Variants in GRIK4 observed in about 807,000 individuals in gnomAD.
GRIK4 encodes the protein glutamate ionotropic receptor kainate type subunit 4, also known as glutamate receptor ionotropic, kainate 4.
Under a neutral mutation model 104.9 loss-of-function variants are expected in GRIK4, and 40 were observed. That is an observed-to-expected ratio of 0.38 (90% CI 0.30 to 0.50). The LOEUF (loss-of-function observed/expected upper bound fraction) is 0.50. GRIK4 is among the 20% of genes least tolerant of loss of function. GRIK4 has a pLI of 0.93. For synonymous variants in GRIK4, 485 were observed against 524.9 expected (o/e 0.92, Z 1.04); for missense variants, 1,047 against 1,308.1 (o/e 0.80, Z 3.08).
intron 3 of GRIK4, among the ~76,000 whole-genome samples, chr11:120,703,845 A>C (rs1218475578): frequency 6.6e-6 from 1 of 152,130 alleles, no homozygotes; most frequent in Non-Finnish European, 1.5e-5. Flanking sequence ...TTTCCTATAC[A>C]TGGTAGGTAC....
intron 3 of GRIK4, among the ~76,000 whole-genome samples, chr11:120,674,813 A>G (rs1950073680): frequency 6.6e-6 from 1 of 152,232 alleles, no homozygotes. Flanking sequence ...TCTGTTATGG[A>G]GCTGCTCCAA....
At chr11:120,910,987 T>C (rs1256587614) in intron 13 of GRIK4, among the ~76,000 whole-genome samples, 1 of 151,944 alleles carries the variant, frequency 6.6e-6, no homozygotes. Flanking sequence ...GCCATGAAGG[T>C]GCAGGGGTAG....
At chr11:120,678,110 C>A (rs1297676074) in intron 3 of GRIK4, among the ~76,000 whole-genome samples, 1 of 152,188 alleles carries the variant, frequency 6.6e-6, no homozygotes, top group African/African-American at 2.4e-5. Context: ...GACCCCGAGG[C>A]CTCTGGGCAG....
At chr11:120,825,793 G>A (rs1301152017) in intron 6 of GRIK4, among the ~76,000 whole-genome samples, 3 of 152,230 alleles carry the variant, frequency 2.0e-5, no homozygotes, top group Admixed American at 6.5e-5. Flanking sequence ...AATTGGATGG[G>A]AAAGTAACTG....
At position 120,725,351 on chromosome 11, in the gene GRIK4, C is replaced by A. The variant is rs11828397; in HGVS notation, c.82+64951C>A. On this transcript the variant is annotated intron_variant, in intron 3 of 20. Coordinates refer to ENST00000527524, the MANE Select transcript of GRIK4 (RefSeq NM_014619.5). ...GGGCTTAGTTCTGTTACCAAAACAC[C>A]AGGGCTTTAGTCTAGGTCCTGTTGT... Among the ~76,000 whole-genome samples, 876 of 152,222 alleles carry A rather than the reference C, an allele frequency of 5.8e-3. 13 individuals are homozygous for A. Among genetic ancestry groups the A allele is most frequent in the African/African-American group, 0.02 (824 of 41,532 alleles).
At chr11:120,609,357 A>C (rs943970787) in intron 1 of GRIK4, among the ~76,000 whole-genome samples, 1 of 150,246 alleles carries the variant, frequency 6.7e-6, no homozygotes, top group Non-Finnish European at 1.5e-5. Flanking sequence ...GGCTCCTCTG[A>C]TCTTCCTGCC....
At chr11:120,566,421 A>C (rs1948323829) in intron 1 of GRIK4, among the ~76,000 whole-genome samples, 1 of 152,192 alleles carries the variant, frequency 6.6e-6, no homozygotes, top group African/African-American at 2.4e-5. Flanking sequence ...TGCTGGTGTT[A>C]AAATAGACTA....
chr11:120,774,754 T>TA (rs1952008841), intron 3 of GRIK4, among the ~76,000 whole-genome samples: 1 of 152,106 alleles, frequency 6.6e-6, no homozygotes, highest in South Asian at 2.1e-4. Context: ...AGGGGAAAGA[T>TA]ATCAGGGTGG....
At chr11:120,581,384 T>G (rs1948578586) in intron 1 of GRIK4, among the ~76,000 whole-genome samples, 1 of 152,226 alleles carries the variant, frequency 6.6e-6, no homozygotes, top group African/African-American at 2.4e-5. Flanking sequence ...ATGGTCCAGA[T>G]TTTGTAGTTT....
intron 13 of GRIK4, among the ~76,000 whole-genome samples, chr11:120,917,801 A>G (rs1943143966): frequency 6.6e-6 from 1 of 152,158 alleles, no homozygotes; most frequent in Non-Finnish European, 1.5e-5. Context: ...GGGCATCTCA[A>G]AGCAGCCTGG....
At chr11:120,786,691 C>T (rs1247685956) in intron 3 of GRIK4, among the ~76,000 whole-genome samples, 5 of 152,310 alleles carry the variant, frequency 3.3e-5, no homozygotes, top group African/African-American at 1.2e-4. Context: ...ATTCCAAGCC[C>T]TCCCCTGAAG....
At chr11:120,699,887 A>G (rs1950522207) in intron 3 of GRIK4, among the ~76,000 whole-genome samples, 1 of 152,226 alleles carries the variant, frequency 6.6e-6, no homozygotes, top group Non-Finnish European at 1.5e-5. Flanking sequence ...CAAGGGCCGC[A>G]GCAGCAGGAG....
chr11:120,968,764 T>C (rs1236654474), intron 19 of GRIK4, among the ~76,000 whole-genome samples: 3 of 152,220 alleles, frequency 2.0e-5, no homozygotes, highest in Non-Finnish European at 2.9e-5. Context: ...GTCTCGTCTC[T>C]ACCAGTTGTG....
At chr11:120,635,598 A>G (rs1041327065) in intron 1 of GRIK4, among the ~76,000 whole-genome samples, 25 of 152,230 alleles carry the variant, frequency 1.6e-4, no homozygotes, top group African/African-American at 6.0e-4. Context: ...TGGACAATTT[A>G]GTACCAATTA....
intron 1 of GRIK4, among the ~76,000 whole-genome samples, chr11:120,547,642 G>T (rs143499273): frequency 6.6e-6 from 1 of 151,790 alleles, no homozygotes; most frequent in East Asian, 1.9e-4. Flanking sequence ...CCATGGAAAC[G>T]TCTGACATGG....
intron 3 of GRIK4, among the ~76,000 whole-genome samples, chr11:120,785,877 C>T (rs1952259530): frequency 6.6e-6 from 1 of 152,218 alleles, no homozygotes; most frequent in African/African-American, 2.4e-5. Context: ...CCTTTTGGCA[C>T]ACACAGAGCC....
intron 3 of GRIK4, among the ~76,000 whole-genome samples, chr11:120,746,215 C>T (rs897090374): frequency 6.6e-6 from 1 of 152,152 alleles, no homozygotes; most frequent in African/African-American, 2.4e-5. Context: ...CCCTCTCCAC[C>T]ACAGTGCTCA....
intron 3 of GRIK4, among the ~76,000 whole-genome samples, chr11:120,678,306 A>C (rs1166910330): frequency 6.6e-6 from 1 of 152,220 alleles, no homozygotes; most frequent in Non-Finnish European, 1.5e-5. Flanking sequence ...CCACAGGGTT[A>C]GTGCTAAAGG....
At chr11:120,683,672 A>G (rs2135292862) in intron 3 of GRIK4, among the ~76,000 whole-genome samples, 1 of 152,328 alleles carries the variant, frequency 6.6e-6, no homozygotes. Context: ...AGATTTGCAA[A>G]ATAGACATTG....
Sources: allele counts gnomAD v4.1 joint callset (sites outside exome capture counted in the v4.1 genomes callset), GRCh38; gene constraint gnomAD v4.1.1; transcripts MANE v1.5; gene names NCBI Gene and HGNC (gene_info 2026-07-23, HGNC 2026-07-21).